The following SPAM1 variants were observed in gnomAD, a reference collection of about 807,000 sequenced individuals.
SPAM1 encodes sperm adhesion molecule 1.
Under a neutral mutation model 29.6 loss-of-function variants are expected in SPAM1, and 22 were observed. The observed-to-expected ratio is 0.74, with a 90% CI of 0.53 to 1.06. SPAM1 has a LOEUF of 1.06. Among genes scored for constraint, SPAM1 ranks in the 50% least tolerant of loss-of-function variants. The pLI is 0.00. For synonymous variants in SPAM1, 194 were observed against 204.6 expected (o/e 0.95, Z 0.44); for missense variants, 534 against 604.0 (o/e 0.88, Z 1.21).
At chr7:123,960,627 C>T (rs1371813900), downstream of SPAM1, among the ~76,000 whole-genome samples, 5 of 151,878 alleles carry the variant, frequency 3.3e-5, no homozygotes, top group Non-Finnish European at 7.4e-5. Flanking sequence ...TACCTAAATT[C>T]CTTACCTAGT....
chr7:123,939,856 C>T (rs576686804), intron 1 of SPAM1, among the ~76,000 whole-genome samples: 1 of 152,192 alleles, frequency 6.6e-6, no homozygotes, highest in Non-Finnish European at 1.5e-5. Flanking sequence ...CTGATCACCC[C>T]GGCCAGCCTT....
intron 1 of SPAM1, among the ~76,000 whole-genome samples, chr7:123,940,145 T>C (rs1004032377): frequency 3.3e-5 from 5 of 152,134 alleles, no homozygotes; most frequent in African/African-American, 1.2e-4. Context: ...ATTTAGTTTG[T>C]GTTTGAACAT....
rs143367611 is a variant in SPAM1, at chr7:123,949,659, T to C, written c.-318-213T>C. Among the ~76,000 whole-genome samples, 242 of 152,256 alleles carry C rather than the reference T, an allele frequency of 1.6e-3. 2 individuals carry two copies. Among genetic ancestry groups the C allele is most frequent in the East Asian group, 9.1e-3 (47 of 5,168 alleles). ...GTGGTGAATACTACACATGTGAATA[T>C]CTACACGTAGCTACATAATTTTTAT... On this transcript the variant is annotated intron_variant, in intron 1 of 4. Coordinates refer to ENST00000682466, the MANE Select transcript of SPAM1 (RefSeq NM_153189.3).
At chr7:123,956,893 A>G (rs1187323470) in intron 4 of SPAM1, among the ~76,000 whole-genome samples, 5 of 151,976 alleles carry the variant, frequency 3.3e-5, no homozygotes, top group Admixed American at 3.3e-4. Context: ...TATTTACACT[A>G]TGGATATATA....
chr7:123,958,798 C>T (rs1283441924), intron 4 of SPAM1, among the ~76,000 whole-genome samples: 2 of 151,240 alleles, frequency 1.3e-5, no homozygotes, highest in South Asian at 2.1e-4. Context: ...CACCACTGTA[C>T]TCCAGCCTGG....
At chr7:123,964,001 G>A (rs894148080), downstream of SPAM1, among the ~76,000 whole-genome samples, 4 of 151,716 alleles carry the variant, frequency 2.6e-5, no homozygotes, top group African/African-American at 9.7e-5. Flanking sequence ...ATGATTTAAG[G>A]TTTATATTTG....
At chr7:123,945,840 C>T (rs1808562499) in intron 1 of SPAM1, among the ~76,000 whole-genome samples, 2 of 151,858 alleles carry the variant, frequency 1.3e-5, no homozygotes, top group Admixed American at 6.6e-5. Flanking sequence ...TGAGGAATTT[C>T]AGCTAATTCA....
chr7:123,956,080 C>T (rs1160003688), intron 4 of SPAM1, among the ~76,000 whole-genome samples: 1 of 151,918 alleles, frequency 6.6e-6, no homozygotes, highest in Non-Finnish European at 1.5e-5. Context: ...GTGAATCAGG[C>T]ATTCCTCAAT....
chr7:123,954,041 C>A lies in SPAM1; in HGVS notation c.471C>A (p.Asn157Lys). ...WEEWRPTWAR[N>K]WKPKDVYKNR... is the part of the protein sequence containing the mutation. ...AATGGAGACCCACTTGGGCAAGAAA[C>A]TGGAAACCTAAAGATGTTTACAAGA... is the stretch of plus-strand genomic sequence containing the variant. The change falls in exon 3 of 5, where the codon AAC becomes AAA. Residue 157 changes from asparagine to lysine, a missense_variant. Coordinates refer to ENST00000682466, the MANE Select transcript of SPAM1 (RefSeq NM_153189.3). 6.2e-7 allele frequency: 1 copy of A among 1,613,600 alleles called. No individual in the cohort carries two copies. Among genetic ancestry groups the A allele is most frequent in the Admixed American group, 1.7e-5 (1 of 59,876 alleles).
Position 123,953,388 on chromosome 7 carries a change from A to G in SPAM1, c.-183A>G. On this transcript the variant is annotated 5_prime_UTR_variant, in exon 3 of 5. Coordinates refer to ENST00000682466, the MANE Select transcript of SPAM1 (RefSeq NM_153189.3). ...AGTTATAGGTGATGCAACTTGAAAA[A>G]CAATCCTGAAACATGAAACAAGAAT... 1 of 468,592 alleles carries G rather than the reference A, an allele frequency of 2.1e-6. No individual in the cohort carries two copies. The allele number at this position is 468,592 out of a possible 1,614,324, so 29.0% of individuals were successfully genotyped here.
intron 6 of SPAM1, among the ~76,000 whole-genome samples, chr7:123,970,621 A>G (rs1214161676): frequency 6.7e-6 from 1 of 149,928 alleles, no homozygotes; most frequent in African/African-American, 2.4e-5. Context: ...TATTATTATT[A>G]TTATAGTAAG....
chr7:123,947,147 A>T (rs1421593353), intron 1 of SPAM1, among the ~76,000 whole-genome samples: 1 of 152,140 alleles, frequency 6.6e-6, no homozygotes, highest in African/African-American at 2.4e-5. Flanking sequence ...TTTAAAGGAG[A>T]AATTATTTTT....
At chr7:123,959,359 TCTTCTA>T in intron 4 of SPAM1, 119 bp from the exon 5 acceptor site, 1 of 640,862 alleles carries the variant, frequency 1.6e-6, no homozygotes, top group Non-Finnish European at 2.6e-6. Flanking sequence ...AAAGAAATTA[TCTTCTA>T]CTTCTTGCTA....
intron 2 of SPAM1, among the ~76,000 whole-genome samples, chr7:123,951,086 G>C (rs991445098): frequency 1.1e-4 from 16 of 152,000 alleles, no homozygotes; most frequent in African/African-American, 3.9e-4. Flanking sequence ...AGTGTCCTTT[G>C]CCCACTTTTT....
chr7:123,938,564 G>T (rs1394848809), intron 1 of SPAM1, among the ~76,000 whole-genome samples: 2 of 152,096 alleles, frequency 1.3e-5, no homozygotes, highest in South Asian at 2.1e-4. Flanking sequence ...GATGTGATTG[G>T]GTCCCTATTG....
intron 1 of SPAM1, among the ~76,000 whole-genome samples, chr7:123,928,971 C>A (rs2117015090): frequency 6.6e-6 from 1 of 152,164 alleles, no homozygotes; most frequent in Non-Finnish European, 1.5e-5. Context: ...TTTCCCCCTC[C>A]TGTTTTCCTG....
intron 1 of SPAM1, among the ~76,000 whole-genome samples, chr7:123,927,687 A>G (rs957145893): frequency 2.0e-5 from 3 of 152,204 alleles, no homozygotes; most frequent in African/African-American, 7.2e-5. Flanking sequence ...GGGAGTCTAT[A>G]AGAGCACCCT....
At chr7:123,946,681 C>T (rs1010884608) in intron 1 of SPAM1, among the ~76,000 whole-genome samples, 1 of 152,052 alleles carries the variant, frequency 6.6e-6, no homozygotes, top group African/African-American at 2.4e-5. Context: ...TGGGGGGCTT[C>T]CAAATTATAA....
intron 1 of SPAM1, among the ~76,000 whole-genome samples, chr7:123,943,639 T>C (rs1383350235): frequency 6.6e-6 from 1 of 152,202 alleles, no homozygotes; most frequent in African/African-American, 2.4e-5. Flanking sequence ...AAATATCTCT[T>C]ATAAACTTTA....
Sources: gnomAD v4.1 joint callset for allele counts (sites outside exome capture counted in the v4.1 genomes callset) on GRCh38, gnomAD v4.1.1 for gene constraint, MANE v1.5 for transcripts, NCBI Gene and HGNC (gene_info 2026-07-23, HGNC 2026-07-21) for gene names.